Variants in CCDC85A observed in about 807,000 individuals in gnomAD.
CCDC85A encodes coiled-coil domain containing 85A, also known as coiled-coil domain-containing protein 85A.
CCDC85A carries 38 observed loss-of-function variants against 50.2 expected under a neutral mutation model. That is an observed-to-expected ratio of 0.76 (90% CI 0.58 to 0.99). The LOEUF (loss-of-function observed/expected upper bound fraction) is 0.99, where lower values mean the gene tolerates loss of function less well. CCDC85A is among the 50% of genes least tolerant of loss of function. The pLI is 0.00. For synonymous variants in CCDC85A, 366 were observed against 301.4 expected, an observed-to-expected ratio of 1.21 and a Z score of -2.22; for missense variants, 820 against 742.0, an observed-to-expected ratio of 1.11 and a Z score of -1.22.
At chr2:56,357,895 T>A (rs2104360852) in intron 3 of CCDC85A, among the ~76,000 whole-genome samples, 1 of 152,236 alleles carries the variant, frequency 6.6e-6, no homozygotes, top group Admixed American at 6.5e-5. Context: ...ACTAACCACA[T>A]CCTGAGTATC....
chr2:56,268,930 G>A (rs186554520), intron 2 of CCDC85A, among the ~76,000 whole-genome samples: 25 of 152,154 alleles, frequency 1.6e-4, no homozygotes, highest in East Asian at 9.7e-4. Context: ...ATAATGCTGC[G>A]TACATTTTTA....
intron 2 of CCDC85A, among the ~76,000 whole-genome samples, chr2:56,285,141 G>A (rs577773507): frequency 7.4e-5 from 11 of 147,936 alleles, no homozygotes; most frequent in East Asian, 2.0e-4. Context: ...TCACTCTGTC[G>A]CCCAGGCTGG....
At chr2:56,204,249 A>G (rs1381567622) in intron 2 of CCDC85A, among the ~76,000 whole-genome samples, 2 of 152,224 alleles carry the variant, frequency 1.3e-5, no homozygotes, top group Admixed American at 6.5e-5. Flanking sequence ...CTAAAGGGCA[A>G]TCTTTTTCTC....
chr2:56,348,401 T>A (rs1432322373), intron 3 of CCDC85A, among the ~76,000 whole-genome samples: 1 of 152,156 alleles, frequency 6.6e-6, no homozygotes, highest in Non-Finnish European at 1.5e-5. Context: ...GCATGGTAAC[T>A]CAGATCACCC....
At chr2:56,217,615 A>G (rs1343845638) in intron 2 of CCDC85A, among the ~76,000 whole-genome samples, 1 of 151,878 alleles carries the variant, frequency 6.6e-6, no homozygotes, top group Admixed American at 6.6e-5. Context: ...GATGTCATGT[A>G]AAAAGAGCCA....
intron 2 of CCDC85A, among the ~76,000 whole-genome samples, chr2:56,306,015 T>A (rs1268593565): frequency 6.6e-6 from 1 of 152,234 alleles, no homozygotes; most frequent in East Asian, 1.9e-4. Context: ...AAACATCATA[T>A]TAAGTCTTGC....
At chr2:56,370,199 C>T (rs1408598549) in intron 3 of CCDC85A, among the ~76,000 whole-genome samples, 5 of 152,036 alleles carry the variant, frequency 3.3e-5, no homozygotes, top group Non-Finnish European at 7.4e-5. Flanking sequence ...ATTTTGAGCC[C>T]CCAAGTTGCC....
At chr2:56,313,898 G>T (rs1268444076) in intron 2 of CCDC85A, among the ~76,000 whole-genome samples, 7 of 151,896 alleles carry the variant, frequency 4.6e-5, no homozygotes, top group Admixed American at 4.6e-4. Flanking sequence ...AGTCAGGGCT[G>T]GGCCTGGCCT....
chr2:56,309,133 G>A (rs1672574337), intron 2 of CCDC85A, among the ~76,000 whole-genome samples: 1 of 152,186 alleles, frequency 6.6e-6, no homozygotes, highest in Non-Finnish European at 1.5e-5. Context: ...TTATTTCTAT[G>A]TAAAAGAATT....
chr2:56,299,909 A>T (rs1262483657), intron 2 of CCDC85A, among the ~76,000 whole-genome samples: 2 of 152,238 alleles, frequency 1.3e-5, no homozygotes, highest in African/African-American at 4.8e-5. Context: ...ACCAAGTAAA[A>T]CTATAAGAAG....
chr2:56,202,328 A>G (rs759769226), intron 2 of CCDC85A, among the ~76,000 whole-genome samples: 3 of 152,242 alleles, frequency 2.0e-5, no homozygotes, highest in African/African-American at 7.2e-5. Flanking sequence ...TTTTAATAGA[A>G]GGAGTATTCC....
intron 2 of CCDC85A, among the ~76,000 whole-genome samples, chr2:56,295,369 G>C (rs922267419): frequency 1.3e-4 from 20 of 152,298 alleles, no homozygotes; most frequent in Non-Finnish European, 2.6e-4. Flanking sequence ...ACTAAGCCAT[G>C]ATCTTCCATG....
Position 56,329,943 on chromosome 2 carries a change from C to CTTTTTTTTTTTT in CCDC85A, c.1241-12935_1241-12934insTTTTTTTTTTTT, listed in dbSNP as rs1336192523. Among the ~76,000 whole-genome samples the CTTTTTTTTTTTT allele has an allele frequency of 1.4e-3, 32 of 22,882 alleles. 1 individual carries two copies. Among genetic ancestry groups the CTTTTTTTTTTTT allele is most frequent in the South Asian group, 3.7e-3 (2 of 536 alleles). 15.0% of individuals were successfully genotyped at this position (22,882 alleles called of 152,430 possible). Reference sequence around the variant, plus strand: ...TGAAAATTTGTTTTTTACAGATTTCCTGTTTTTTTTTTTTTTTTTTTTTTT... The same window carrying CTTTTTTTTTTTT: ...TGAAAATTTGTTTTTTACAGATTTCCTTTTTTTTTTTTTGTTTTTTTTTTTTTTTTTTTTTTT... On this transcript the variant is annotated intron_variant, in intron 2 of 5. Coordinates refer to ENST00000407595, the MANE Select transcript of CCDC85A (RefSeq NM_001080433.2).
intron 2 of CCDC85A, among the ~76,000 whole-genome samples, chr2:56,335,790 C>G (rs538328972): frequency 5.3e-5 from 8 of 151,776 alleles, no homozygotes; most frequent in African/African-American, 1.9e-4. Flanking sequence ...TTAGTAGAGA[C>G]GGGATTTCAC....
chr2:56,255,050 C>G (rs1304935533), intron 2 of CCDC85A, among the ~76,000 whole-genome samples: 1 of 152,180 alleles, frequency 6.6e-6, no homozygotes, highest in African/African-American at 2.4e-5. Flanking sequence ...GCTTCCCTCT[C>G]TGAGCATTGC....
intron 3 of CCDC85A, among the ~76,000 whole-genome samples, chr2:56,366,746 T>A (rs1042712610): frequency 6.6e-6 from 1 of 152,132 alleles, no homozygotes; most frequent in Non-Finnish European, 1.5e-5. Context: ...GATTGAGAGC[T>A]GTTATGTCAA....
chr2:56,208,239 G>A (rs1677032431), intron 2 of CCDC85A, among the ~76,000 whole-genome samples: 1 of 152,080 alleles, frequency 6.6e-6, no homozygotes, highest in Admixed American at 6.5e-5. Flanking sequence ...TGTTTCTTAA[G>A]GACTGGTTTT....
intron 2 of CCDC85A, among the ~76,000 whole-genome samples, chr2:56,243,351 G>A (rs1669351734): frequency 6.6e-6 from 1 of 151,732 alleles, no homozygotes; most frequent in African/African-American, 2.4e-5. Context: ...TCTTCCGTGT[G>A]TTTTCAAATA....
intron 2 of CCDC85A, among the ~76,000 whole-genome samples, chr2:56,333,405 G>C (rs1302443851): frequency 6.6e-6 from 1 of 152,172 alleles, no homozygotes; most frequent in African/African-American, 2.4e-5. Context: ...CAGAAAGGAG[G>C]CCCTTTGGCT....
Sources: gnomAD v4.1 joint callset for allele counts (sites outside exome capture counted in the v4.1 genomes callset) on GRCh38, gnomAD v4.1.1 for gene constraint, MANE v1.5 for transcripts, NCBI Gene and HGNC (gene_info 2026-07-23, HGNC 2026-07-21) for gene names.